Variants in PPIL4 observed in about 807,000 individuals in gnomAD.
The protein encoded by PPIL4 is peptidylprolyl isomerase like 4.
A neutral mutation model predicts 69.1 loss-of-function variants in PPIL4; 50 were observed. The ratio of observed to expected loss-of-function variants is 0.72; its 90% CI spans 0.58 to 0.92. The LOEUF (loss-of-function observed/expected upper bound fraction) is 0.92. Among genes scored for constraint, PPIL4 ranks in the 40% least tolerant of loss-of-function variants. PPIL4 has a pLI of 0.00. For missense variants in PPIL4, 480 were observed against 587.9 expected, an observed-to-expected ratio of 0.82 and a Z score of 1.90; for synonymous variants, 193 against 191.6, an observed-to-expected ratio of 1.01 and a Z score of -0.06.
chr6:149,516,063 CA>C (rs1776939171), intron 11 of PPIL4, among the ~76,000 whole-genome samples: 1 of 152,120 alleles, frequency 6.6e-6, no homozygotes, highest in Non-Finnish European at 1.5e-5. Flanking sequence ...TACACTATTC[CA>C]TATAAGTATA....
intron 9 of PPIL4, 143 bp from the exon 10 acceptor site, chr6:149,521,314 T>TATC: frequency 1.6e-6 from 1 of 610,654 alleles, no homozygotes; most frequent in African/African-American, 1.9e-5. Context: ...AAATGCTTTG[T>TATC]ATCTATTACC....
intron 7 of PPIL4, among the ~76,000 whole-genome samples, chr6:149,528,907 C>A (rs1022575430): frequency 1.3e-5 from 2 of 152,142 alleles, no homozygotes; most frequent in Admixed American, 1.3e-4. Flanking sequence ...TACATCCATA[C>A]AATGAAACAT....
At position 149,541,597 on chromosome 6, in the gene PPIL4, G is replaced by A; in HGVS notation, c.71-11C>T. The A allele has an allele frequency of 7.0e-7, 1 of 1,435,088 alleles. No homozygotes were observed. The highest frequency in any genetic ancestry group is 9.8e-7 in the Non-Finnish European group (1 of 1,021,120). 88.9% of individuals were successfully genotyped at this position (1,435,088 alleles called of 1,614,324 possible). The stretch of plus-strand genomic sequence containing the variant: ...AGAAATTCAAGCAGGCTGAAAGAAA[G>A]TAAATACCAAATTTATCACAGTAAT... On this transcript the variant is annotated splice_polypyrimidine_tract_variant and intron_variant, in intron 1 of 12. Transcript: ENST00000253329.
chr6:149,512,761 G>T (rs931866664), intron 11 of PPIL4, among the ~76,000 whole-genome samples: 3 of 151,546 alleles, frequency 2.0e-5, no homozygotes, highest in African/African-American at 7.3e-5. Context: ...TATTTTTTTT[G>T]AGACGGAGTC....
In PPIL4 at chr6:149,505,280, GTTCAA is replaced by G. The variant is rs1451651787; in HGVS notation, c.*168_*172del. On this transcript the variant is annotated 3_prime_UTR_variant, in exon 13 of 13. Transcript: ENST00000253329. ...GTGTAAAAAAGTATACAAAGAAAATGTTCAATTCTTTATCTTTCCGTGCTCTATAT... is the reference window on the plus strand; with the variant it reads ...GTGTAAAAAAGTATACAAAGAAAATGTTCTTTATCTTTCCGTGCTCTATAT... The G allele has an allele frequency of 2.0e-6, 1 of 508,478 alleles. No homozygotes were observed. Among genetic ancestry groups the G allele is most frequent in the Non-Finnish European group, 3.4e-6 (1 of 298,086 alleles). 31.5% of individuals were successfully genotyped at this position (508,478 alleles called of 1,614,324 possible). A position where few individuals can be genotyped will look rare whatever the true frequency, so the allele number is the denominator to read the frequency against.
intron 7 of PPIL4, among the ~76,000 whole-genome samples, chr6:149,531,009 C>A (rs769957307): frequency 6.6e-6 from 1 of 152,150 alleles, no homozygotes; most frequent in Non-Finnish European, 1.5e-5. Flanking sequence ...CGTACTATTT[C>A]GGCTGTGGGT....
rs961035273 is a variant in PPIL4 at position 149,524,900 on chromosome 6, C to CA, written c.870+242dup. On this transcript the variant is annotated intron_variant, in intron 9 of 12. Transcript: ENST00000253329. Reference sequence around the variant, plus strand: ...TGGGCAACAGAGTGAGACCCTGTCTCAAAAAAAAAAAAAGTTCTAAAGATA... The same window carrying CA: ...TGGGCAACAGAGTGAGACCCTGTCTCAAAAAAAAAAAAAAGTTCTAAAGATA... Among the ~76,000 whole-genome samples the CA allele has an allele frequency of 4.1e-3, 555 of 134,630 alleles. 4 individuals are homozygous for CA. The highest frequency in any genetic ancestry group is 0.012 in the African/African-American group (450 of 36,594). 88.3% of individuals were successfully genotyped at this position (134,630 alleles called of 152,430 possible).
intron 1 of PPIL4, 27 bp from the exon 2 acceptor site, chr6:149,541,613 T>C (rs1777363598): frequency 8.1e-7 from 1 of 1,230,348 alleles, no homozygotes; most frequent in Non-Finnish European, 1.2e-6. Flanking sequence ...ACCAAATTTA[T>C]CACAGTAATC....
chr6:149,537,506 G>C (rs975311463), intron 4 of PPIL4, among the ~76,000 whole-genome samples: 6 of 151,888 alleles, frequency 4.0e-5, no homozygotes, highest in African/African-American at 1.5e-4. Flanking sequence ...AGGAGATCAA[G>C]ACCATCCTGG....
chr6:149,511,374 T>G (rs145139351), intron 12 of PPIL4, among the ~76,000 whole-genome samples: 155 of 151,918 alleles, frequency 1.0e-3, no homozygotes, highest in African/African-American at 3.6e-3. Flanking sequence ...AGACCATAGG[T>G]GCACACCACC....
chr6:149,506,310 T>A (rs1175819313), intron 12 of PPIL4, among the ~76,000 whole-genome samples: 1 of 151,952 alleles, frequency 6.6e-6, no homozygotes, highest in Non-Finnish European at 1.5e-5. Flanking sequence ...GAAACTCTAC[T>A]AAAAATACAA....
intron 7 of PPIL4, among the ~76,000 whole-genome samples, chr6:149,531,731 G>A (rs937650391): frequency 2.6e-5 from 4 of 151,912 alleles, no homozygotes; most frequent in East Asian, 3.9e-4. Context: ...GTGCAATGGC[G>A]CGATCTCGGC....
At chr6:149,526,085 C>T (rs1010984241) in intron 8 of PPIL4, among the ~76,000 whole-genome samples, 2 of 151,808 alleles carry the variant, frequency 1.3e-5, no homozygotes, top group African/African-American at 2.4e-5. Flanking sequence ...GGCAACAGAG[C>T]GAGACTCCAT....
At chr6:149,513,746 G>A (rs1776896830) in intron 11 of PPIL4, among the ~76,000 whole-genome samples, 1 of 152,008 alleles carries the variant, frequency 6.6e-6, no homozygotes, top group Non-Finnish European at 1.5e-5. Context: ...ATGAAGCTAC[G>A]AGTGAATCTT....
intron 9 of PPIL4, among the ~76,000 whole-genome samples, chr6:149,522,442 A>G (rs1777042452): frequency 6.6e-6 from 1 of 152,230 alleles, no homozygotes. Context: ...TAACAGTGGT[A>G]TATGAATAGA....
At chr6:149,512,978 G>A (rs990469823) in intron 11 of PPIL4, among the ~76,000 whole-genome samples, 3 of 151,424 alleles carry the variant, frequency 2.0e-5, no homozygotes, top group Admixed American at 6.6e-5. Context: ...ACCTGACCTC[G>A]TGATCCACCC....
At chr6:149,537,052 G>A (rs1284258696) in intron 4 of PPIL4, among the ~76,000 whole-genome samples, 1 of 151,850 alleles carries the variant, frequency 6.6e-6, no homozygotes, top group Non-Finnish European at 1.5e-5. Context: ...CTTGAACCCA[G>A]GAGGCGAAGG....
chr6:149,520,542 G>C lies in PPIL4; in HGVS notation c.982+518C>G, dbSNP rs76627698. 1.5e-3 allele frequency among the ~76,000 whole-genome samples: 223 copies of C among 151,508 alleles called. 1 individual carries two copies. The highest frequency in any genetic ancestry group is 5.3e-3 in the African/African-American group (219 of 41,168). ...ACATAGAAAATATAATTTTTCATCA[G>C]TTTAAAATACACGCACAGGTGCACA... On this transcript the variant is annotated intron_variant, in intron 10 of 12. Coordinates refer to ENST00000253329, the MANE Select transcript of PPIL4 (RefSeq NM_139126.4).
In PPIL4 at chr6:149,541,354, T is replaced by A. The variant is rs775073883; in HGVS notation, c.203+13A>T. On this transcript the variant is annotated intron_variant, in intron 3 of 12. Coordinates refer to ENST00000253329, the MANE Select transcript of PPIL4 (RefSeq NM_139126.4). Reference sequence around the variant, plus strand: ...ATAAATAAATAAATAAATAAATAAATAAAACAACTTACCCAAAGATAGACT... The same window carrying A: ...ATAAATAAATAAATAAATAAATAAAAAAAACAACTTACCCAAAGATAGACT... 1.8e-5 allele frequency: 21 copies of A among 1,171,798 alleles called. No homozygotes were observed. Among genetic ancestry groups the A allele is most frequent in the Admixed American group, 5.9e-5 (2 of 34,044 alleles). 72.6% of individuals were successfully genotyped at this position (1,171,798 alleles called of 1,614,324 possible).
Sources: allele counts gnomAD v4.1 joint callset (sites outside exome capture counted in the v4.1 genomes callset), GRCh38; gene constraint gnomAD v4.1.1; transcripts MANE v1.5; gene names NCBI Gene and HGNC (gene_info 2026-07-23, HGNC 2026-07-21).